Variants in HTR2C observed in about 807,000 individuals in gnomAD.
The protein encoded by HTR2C is 5-hydroxytryptamine (serotonin) receptor 2C, G protein-coupled.
A neutral mutation model predicts 21.0 loss-of-function variants in HTR2C; 5 were observed. The observed-to-expected ratio is 0.24, with a 90% CI of 0.12 to 0.50. The LOEUF (loss-of-function observed/expected upper bound fraction) is 0.50. Among genes scored for constraint, HTR2C ranks in the 20% least tolerant of loss-of-function variants. The probability of loss-of-function intolerance (pLI) is 0.98; values close to 1 mark genes in which losing one functional copy is unlikely to be tolerated. For missense variants in HTR2C, 271 were observed against 371.2 expected (o/e 0.73, Z 2.22); for synonymous variants, 150 against 145.3 (o/e 1.03, Z -0.23).
intron 2 of HTR2C, among the ~76,000 whole-genome samples, chrX:114,669,644 G>A (rs782092845): frequency 4.5e-5 from 5 of 111,667 alleles, no homozygotes; most frequent in South Asian, 3.8e-4. Context: ...GCAGTGAGCC[G>A]AGATCGCGCC....
At chrX:114,772,994 C>T (rs972527215) in intron 4 of HTR2C, among the ~76,000 whole-genome samples, 2 of 111,646 alleles carry the variant, frequency 1.8e-5, no homozygotes, top group African/African-American at 6.5e-5. Context: ...TTCTTTGAGC[C>T]TCCTTTGATT....
intron 5 of HTR2C, among the ~76,000 whole-genome samples, chrX:114,849,212 GTTCACAGAT>G (rs1364488685): frequency 1.8e-5 from 2 of 112,106 alleles, no homozygotes; most frequent in African/African-American, 6.5e-5. Flanking sequence ...AAATTCAAGA[GTTCACAGAT>G]TTTGCCCTAG....
At chrX:114,733,180 G>A (rs1448717579) in intron 4 of HTR2C, among the ~76,000 whole-genome samples, 4 of 110,929 alleles carry the variant, frequency 3.6e-5, no homozygotes, top group Non-Finnish European at 5.7e-5. Context: ...GGCCCAGGCT[G>A]GCGGATCACT....
intron 1 of HTR2C, among the ~76,000 whole-genome samples, chrX:114,611,148 G>A (rs782343576): frequency 1.8e-5 from 2 of 111,666 alleles, no homozygotes; most frequent in South Asian, 3.7e-4. Context: ...AATTCTTCGT[G>A]AATAAATGGC....
chrX:114,727,396 C>T (rs1020398397), intron 3 of HTR2C, among the ~76,000 whole-genome samples: 8 of 111,493 alleles, frequency 7.2e-5, no homozygotes, highest in Non-Finnish European at 1.5e-4. Context: ...GGGGATAGGG[C>T]TTGGCGATGT....
At chrX:114,585,062 C>T (rs1556389190) in intron 1 of HTR2C, among the ~76,000 whole-genome samples, 2 of 109,463 alleles carry the variant, frequency 1.8e-5, no homozygotes, top group African/African-American at 6.7e-5. Context: ...GAGGGTCGGG[C>T]TGCGGAAGAT....
chrX:114,785,982 A>C (rs1392006620), intron 4 of HTR2C, among the ~76,000 whole-genome samples: 1 of 112,460 alleles, frequency 8.9e-6, no homozygotes, highest in African/African-American at 3.2e-5. Context: ...TTGATAAATT[A>C]ATAAGAAAAT....
intron 4 of HTR2C, among the ~76,000 whole-genome samples, chrX:114,836,313 C>G (rs1266671993): frequency 3.6e-5 from 4 of 111,898 alleles, no homozygotes; most frequent in African/African-American, 1.3e-4. Flanking sequence ...GCCTCGCTGC[C>G]GCCTTGCAGT....
intron 4 of HTR2C, among the ~76,000 whole-genome samples, chrX:114,812,096 C>G (rs1188941616): frequency 9.1e-6 from 1 of 109,547 alleles, no homozygotes; most frequent in Admixed American, 9.8e-5. Flanking sequence ...TCTCTCTCCC[C>G]CTACCCACCC....
rs5988122 is a variant in HTR2C at position 114,745,256 on chromosome X, C to T, written c.349+13649C>T. On this transcript the variant is annotated intron_variant, in intron 4 of 5. Transcript: ENST00000276198. ...AAAACTACAAATTAAACTACAATCT[C>T]GCCCCAGTTAAAATGACTTGTGTCC... is the stretch of plus-strand genomic sequence containing the variant. 9.4e-3 allele frequency among the ~76,000 whole-genome samples: 1,058 copies of T among 112,322 alleles called. 10 individuals carry two copies. The highest frequency in any genetic ancestry group is 0.032 in the African/African-American group (994 of 30,881).
intron 4 of HTR2C, among the ~76,000 whole-genome samples, chrX:114,813,854 T>G (rs1159452291): frequency 9.0e-6 from 1 of 111,568 alleles, no homozygotes; most frequent in African/African-American, 3.3e-5. Context: ...ATGTTGTACA[T>G]TACAGAGTAC....
At chrX:114,881,053 G>A (rs900447148) in intron 5 of HTR2C, among the ~76,000 whole-genome samples, 1 of 110,428 alleles carries the variant, frequency 9.1e-6, no homozygotes, top group Non-Finnish European at 1.9e-5. Context: ...TATGTTCATC[G>A]TACTGTGTGT....
intron 2 of HTR2C, among the ~76,000 whole-genome samples, chrX:114,703,368 C>T (rs1448668730): frequency 9.0e-6 from 1 of 110,888 alleles, no homozygotes; most frequent in Non-Finnish European, 1.9e-5. Flanking sequence ...GTCTCTCAGA[C>T]CACAGTGCAA....
At chrX:114,610,753 G>T (rs1268902984) in intron 1 of HTR2C, among the ~76,000 whole-genome samples, 2 of 111,204 alleles carry the variant, frequency 1.8e-5, no homozygotes, top group African/African-American at 3.3e-5. Flanking sequence ...AGAGAAACTT[G>T]AAATGACAGA....
intron 4 of HTR2C, among the ~76,000 whole-genome samples, chrX:114,741,073 C>T (rs2069640289): frequency 9.0e-6 from 1 of 111,420 alleles, no homozygotes; most frequent in Admixed American, 9.5e-5. Context: ...AGAGAGATAA[C>T]ATAATATTTA....
chrX:114,836,026 G>T (rs1342785537), intron 4 of HTR2C, among the ~76,000 whole-genome samples: 2 of 108,173 alleles, frequency 1.8e-5, no homozygotes, highest in Non-Finnish European at 3.9e-5. Context: ...TCGGGGGTCA[G>T]GGGTCAGGGA....
chrX:114,806,050 G>A (rs371380139), intron 4 of HTR2C, among the ~76,000 whole-genome samples: 5 of 36,404 alleles, frequency 1.4e-4, no homozygotes, highest in Admixed American at 4.0e-4. Flanking sequence ...TATACCATAT[G>A]CATACCATAT....
At chrX:114,801,452 A>G (rs781856563) in intron 4 of HTR2C, among the ~76,000 whole-genome samples, 1 of 111,089 alleles carries the variant, frequency 9.0e-6, no homozygotes, top group Non-Finnish European at 1.9e-5. Flanking sequence ...CTGCCTGCCT[A>G]TTAACGTGGT....
chrX:114,863,062 A>G (rs781823258), intron 5 of HTR2C, among the ~76,000 whole-genome samples: 1 of 111,753 alleles, frequency 8.9e-6, no homozygotes, highest in South Asian at 3.7e-4. Context: ...ATTGTTGTAT[A>G]TATCACATTT....
Sources: gnomAD v4.1 joint callset for allele counts (sites outside exome capture counted in the v4.1 genomes callset) on GRCh38, gnomAD v4.1.1 for gene constraint, MANE v1.5 for transcripts, NCBI Gene and HGNC (gene_info 2026-07-23, HGNC 2026-07-21) for gene names.